COMMD10: variants seen among roughly 807,000 people sequenced by gnomAD.
COMMD10 encodes the protein COMM domain containing 10.
COMMD10 carries 33 observed loss-of-function variants against 28.9 expected under a neutral mutation model. The ratio of observed to expected loss-of-function variants is 1.14; its 90% confidence interval spans 0.87 to 1.53. The LOEUF (loss-of-function observed/expected upper bound fraction) is 1.53. Among genes scored for constraint, COMMD10 ranks in the 40% most tolerant of loss-of-function variants. COMMD10 has a pLI of 0.00. For missense variants in COMMD10, 310 were observed against 233.4 expected (o/e 1.33, Z -2.14); for synonymous variants, 110 against 81.7 (o/e 1.35, Z -1.87).
intron 4 of COMMD10, among the ~76,000 whole-genome samples, chr5:116,118,881 A>G (rs1328166049): frequency 2.0e-5 from 3 of 152,252 alleles, no homozygotes; most frequent in Admixed American, 2.0e-4. Flanking sequence ...TAATTGGCTG[A>G]AACCAGAACC....
intron 5 of COMMD10, among the ~76,000 whole-genome samples, chr5:116,264,019 A>C (rs1750518629): frequency 6.6e-6 from 1 of 151,802 alleles, no homozygotes; most frequent in South Asian, 2.1e-4. Flanking sequence ...GAAAAGATTA[A>C]GAGTTAGACA....
chr5:116,090,535 C>T (rs1750261991), intron 2 of COMMD10, among the ~76,000 whole-genome samples: 1 of 152,166 alleles, frequency 6.6e-6, no homozygotes, highest in South Asian at 2.1e-4. Context: ...GATTTTGAGG[C>T]CCTCACACAA....
intron 5 of COMMD10, among the ~76,000 whole-genome samples, chr5:116,257,654 T>G (rs1172707573): frequency 6.6e-6 from 1 of 151,680 alleles, no homozygotes; most frequent in Non-Finnish European, 1.5e-5. Context: ...AACTTCATGT[T>G]CTTTTTTGTA....
At chr5:116,121,463 G>A (rs958836891) in intron 4 of COMMD10, among the ~76,000 whole-genome samples, 2 of 152,192 alleles carry the variant, frequency 1.3e-5, no homozygotes, top group Non-Finnish European at 2.9e-5. Flanking sequence ...TGTCTTTATA[G>A]TAGCATGATT....
chr5:116,241,456 C>G (rs1005057879), intron 5 of COMMD10, among the ~76,000 whole-genome samples: 2 of 152,108 alleles, frequency 1.3e-5, no homozygotes, highest in Non-Finnish European at 2.9e-5. Flanking sequence ...ACTTCACTTA[C>G]TGACACAACC....
At chr5:116,158,852 T>TTG (rs1752826440) in intron 5 of COMMD10, among the ~76,000 whole-genome samples, 1 of 73,736 alleles carries the variant, frequency 1.4e-5, no homozygotes, top group African/African-American at 1.9e-4. Context: ...CAAACAGTTG[T>TTG]TTTTTTTTTT....
At chr5:116,194,307 G>A (rs1481249351) in intron 5 of COMMD10, among the ~76,000 whole-genome samples, 4 of 151,872 alleles carry the variant, frequency 2.6e-5, no homozygotes, top group East Asian at 1.9e-4. Context: ...CAAAAGAAAG[G>A]AAATAACCAA....
At chr5:116,114,756 C>T (rs1751175247) in intron 4 of COMMD10, among the ~76,000 whole-genome samples, 2 of 152,276 alleles carry the variant, frequency 1.3e-5, no homozygotes, top group South Asian at 2.1e-4. Flanking sequence ...ATCTGTGTCC[C>T]TCTCATGTCT....
chr5:116,284,303 C>T (rs1286520029), intron 5 of COMMD10, among the ~76,000 whole-genome samples: 2 of 151,546 alleles, frequency 1.3e-5, no homozygotes, highest in East Asian at 1.9e-4. Context: ...AAAAACTACG[C>T]ACAGTATCAT....
intron 5 of COMMD10, among the ~76,000 whole-genome samples, chr5:116,177,799 C>G (rs767181012): frequency 1.3e-5 from 2 of 152,130 alleles, no homozygotes; most frequent in African/African-American, 2.4e-5. Flanking sequence ...GGCCATTTCA[C>G]TTTGAACATG....
At position 116,118,963 on chromosome 5, in the gene COMMD10, C is replaced by A. The variant is rs190254835; in HGVS notation, c.400-15105C>A. Reference sequence around the variant, plus strand: ...GTTAGCAAAATCACTCTTATTATGTCACAGTATTCAAAGATGTGCATTTGT... The same window carrying A: ...GTTAGCAAAATCACTCTTATTATGTAACAGTATTCAAAGATGTGCATTTGT... On this transcript the variant is annotated intron_variant, in intron 4 of 6. Transcript: ENST00000274458. 1.7e-3 allele frequency among the ~76,000 whole-genome samples: 264 copies of A among 152,264 alleles called. 1 individual carries two copies. The highest frequency in any genetic ancestry group is 6.0e-3 in the African/African-American group (250 of 41,556).
intron 5 of COMMD10, among the ~76,000 whole-genome samples, chr5:116,166,252 G>A (rs1753092879): frequency 6.6e-6 from 1 of 152,010 alleles, no homozygotes. Flanking sequence ...TTATAAAAAT[G>A]TACAATGTTC....
At chr5:116,266,259 G>A (rs987310569) in intron 5 of COMMD10, among the ~76,000 whole-genome samples, 1 of 151,560 alleles carries the variant, frequency 6.6e-6, no homozygotes, top group Non-Finnish European at 1.5e-5. Context: ...TGTAATGCAT[G>A]TTTTCATTTA....
chr5:116,256,084 A>G (rs1170506468), intron 5 of COMMD10, among the ~76,000 whole-genome samples: 1 of 151,706 alleles, frequency 6.6e-6, no homozygotes, highest in African/African-American at 2.4e-5. Flanking sequence ...AAAAGTTCCA[A>G]AAGCATTTGA....
intron 4 of COMMD10, among the ~76,000 whole-genome samples, chr5:116,097,849 G>T (rs1361562303): frequency 6.6e-6 from 1 of 151,994 alleles, no homozygotes; most frequent in African/African-American, 2.4e-5. Flanking sequence ...TTTTGAACAA[G>T]CAGGTCTTGC....
chr5:116,184,218 CTCTT>C (rs142681753), intron 5 of COMMD10, among the ~76,000 whole-genome samples: 57,017 of 150,750 alleles, frequency 0.38, 13,095 homozygotes, highest in Non-Finnish European at 0.51. Context: ...AGTTCTGTCT[CTCTT>C]TTTTTTTTTA....
At chr5:116,156,615 T>C (rs1167616805) in intron 5 of COMMD10, among the ~76,000 whole-genome samples, 1 of 152,132 alleles carries the variant, frequency 6.6e-6, no homozygotes, top group Non-Finnish European at 1.5e-5. Flanking sequence ...TTGAATACTT[T>C]CCATCTCTTT....
intron 5 of COMMD10, among the ~76,000 whole-genome samples, chr5:116,206,461 G>A (rs1050441866): frequency 6.6e-6 from 1 of 152,106 alleles, no homozygotes; most frequent in African/African-American, 2.4e-5. Context: ...GACCAGCCTG[G>A]CTAACATGGT....
chr5:116,172,945 A>G (rs1048484764), intron 5 of COMMD10, among the ~76,000 whole-genome samples: 13 of 152,160 alleles, frequency 8.5e-5, no homozygotes, highest in African/African-American at 3.1e-4. Context: ...ACACAATCAG[A>G]TCTTTAACTT....
Sources: allele counts gnomAD v4.1 joint callset (sites outside exome capture counted in the v4.1 genomes callset), GRCh38; gene constraint gnomAD v4.1.1; transcripts MANE v1.5; gene names NCBI Gene and HGNC (gene_info 2026-07-23, HGNC 2026-07-21).